Variants in MAML2 observed in about 807,000 individuals in gnomAD.
MAML2 encodes mastermind like transcriptional coactivator 2, also known as mastermind-like protein 2.
A neutral mutation model predicts 96.1 loss-of-function variants in MAML2; 22 were observed. The observed-to-expected ratio is 0.23, with a 90% CI of 0.16 to 0.33. The LOEUF (loss-of-function observed/expected upper bound fraction) is 0.33, where lower values mean the gene tolerates loss of function less well. Ranked by LOEUF, MAML2 falls within the 10% of genes least tolerant of loss-of-function variation. MAML2 has a pLI of 1.00. For missense variants in MAML2, 1,367 were observed against 1,392.4 expected, an observed-to-expected ratio of 0.98 and a Z score of 0.29; for synonymous variants, 561 against 521.3, an observed-to-expected ratio of 1.08 and a Z score of -1.04.
intron 1 of MAML2, among the ~76,000 whole-genome samples, chr11:96,265,242 G>A (rs936968306): frequency 2.0e-5 from 3 of 152,196 alleles, no homozygotes; most frequent in Non-Finnish European, 2.9e-5. Flanking sequence ...GCTTTAGCGC[G>A]GGGAGGACGA....
chr11:96,102,052 G>A (rs1169481943), intron 1 of MAML2, among the ~76,000 whole-genome samples: 3 of 152,128 alleles, frequency 2.0e-5, no homozygotes, highest in Non-Finnish European at 4.4e-5. Context: ...TGAGGCAGAC[G>A]GATCACCAGG....
At chr11:96,082,783 C>T (rs761227080) in intron 2 of MAML2, among the ~76,000 whole-genome samples, 1 of 152,142 alleles carries the variant, frequency 6.6e-6, no homozygotes, top group Admixed American at 6.5e-5. Flanking sequence ...AGGAGAATTA[C>T]AGTATCAAAG....
chr11:96,043,085 G>A (rs1450955416), intron 2 of MAML2, among the ~76,000 whole-genome samples: 2 of 152,072 alleles, frequency 1.3e-5, no homozygotes, highest in African/African-American at 4.8e-5. Context: ...CTTTAATTTA[G>A]TACTGGGTTC....
chr11:96,239,729 T>G (rs1235570647), intron 1 of MAML2, among the ~76,000 whole-genome samples: 1 of 152,210 alleles, frequency 6.6e-6, no homozygotes, highest in Admixed American at 6.5e-5. Flanking sequence ...ATAGCACCCA[T>G]GTCATAGAGC....
chr11:96,017,003 T>C (rs1011451819), intron 2 of MAML2, among the ~76,000 whole-genome samples: 1 of 152,230 alleles, frequency 6.6e-6, no homozygotes, highest in Non-Finnish European at 1.5e-5. Context: ...AGTGTAGTAA[T>C]TTTAAAGGCA....
At chr11:96,008,102 G>A (rs1176493641) in intron 2 of MAML2, among the ~76,000 whole-genome samples, 4 of 152,112 alleles carry the variant, frequency 2.6e-5, no homozygotes, top group Middle Eastern at 3.4e-3. Flanking sequence ...TTACCTGGGA[G>A]TACTTATTAA....
intron 2 of MAML2, among the ~76,000 whole-genome samples, chr11:95,994,278 C>T (rs1405822044): frequency 6.6e-6 from 1 of 152,164 alleles, no homozygotes; most frequent in Non-Finnish European, 1.5e-5. Flanking sequence ...CTCTGAGGTA[C>T]ATCCTTTGAG....
intron 1 of MAML2, among the ~76,000 whole-genome samples, chr11:96,178,581 G>C (rs1017436615): frequency 2.0e-5 from 3 of 152,130 alleles, no homozygotes; most frequent in Non-Finnish European, 4.4e-5. Context: ...GGGGAAAAGG[G>C]AGCTGTACAA....
chr11:96,341,428 C>G lies in MAML2; in HGVS notation c.468G>C (p.Pro156=). ...TCTGGTCCCCTGGGGTTGAAGCGGG[C>G]GGCTGCTGCTCTCCGTTTATCCCAC... The part of the protein sequence containing the change: ...GSGGINGEQQ[P]PASTPGDQRN... Residue 156 remains proline (P), a synonymous_variant, in exon 1 of 5, where the codon CCG becomes CCC. Transcript: ENST00000524717. The G allele has an allele frequency of 6.5e-7, 1 of 1,547,204 alleles. No individual in the cohort carries two copies. The highest frequency in any genetic ancestry group is 8.7e-7 in the Non-Finnish European group (1 of 1,144,360).
chr11:96,256,846 C>T (rs1862675730), intron 1 of MAML2, among the ~76,000 whole-genome samples: 1 of 152,138 alleles, frequency 6.6e-6, no homozygotes, highest in South Asian at 2.1e-4. Context: ...CTATCAAATG[C>T]CATAAATATC....
intron 3 of MAML2, among the ~76,000 whole-genome samples, chr11:95,989,027 T>C (rs1040377597): frequency 2.0e-5 from 3 of 152,250 alleles, no homozygotes; most frequent in African/African-American, 7.2e-5. Context: ...AAATCCAGCT[T>C]GGTGCCTGGC....
At chr11:96,107,128 A>G (rs1337251051) in intron 1 of MAML2, among the ~76,000 whole-genome samples, 3 of 151,822 alleles carry the variant, frequency 2.0e-5, no homozygotes, top group Non-Finnish European at 4.4e-5. Context: ...TGTGTATTTC[A>G]TGTTTTTGGC....
intron 2 of MAML2, among the ~76,000 whole-genome samples, chr11:96,059,717 G>A (rs766266007): frequency 3.3e-5 from 5 of 152,024 alleles, no homozygotes; most frequent in Admixed American, 1.3e-4. Context: ...ACATCATGTC[G>A]GCACTCAAAA....
chr11:96,119,528 A>G (rs1315987082), intron 1 of MAML2, among the ~76,000 whole-genome samples: 5 of 152,226 alleles, frequency 3.3e-5, no homozygotes, highest in Non-Finnish European at 7.3e-5. Flanking sequence ...CTTGAAGTGT[A>G]ATGTGATGTA....
At chr11:96,057,252 G>A (rs1859084454) in intron 2 of MAML2, among the ~76,000 whole-genome samples, 1 of 152,130 alleles carries the variant, frequency 6.6e-6, no homozygotes, top group East Asian at 1.9e-4. Context: ...TCTTTGAAGT[G>A]AGCTCTCTAG....
At chr11:95,988,013 T>TC (rs953612458) in intron 3 of MAML2, among the ~76,000 whole-genome samples, 19 of 78 alleles carry the variant, frequency 0.24, no homozygotes, top group Admixed American at 0.5. Context: ...AGTTTTGATT[T>TC]TATGCCAGCA....
At chr11:96,147,278 A>G (rs1367842726) in intron 1 of MAML2, among the ~76,000 whole-genome samples, 9 of 152,218 alleles carry the variant, frequency 5.9e-5, no homozygotes, top group Non-Finnish European at 8.8e-5. Context: ...TTTAACTTAT[A>G]TATTTACATG....
At chr11:96,017,713 C>G (rs1014556642) in intron 2 of MAML2, among the ~76,000 whole-genome samples, 4 of 151,890 alleles carry the variant, frequency 2.6e-5, no homozygotes, top group African/African-American at 7.3e-5. Context: ...GCCTTGTGCA[C>G]AGTGGAGGGA....
At chr11:96,002,866 A>AG (rs1368510147) in intron 2 of MAML2, among the ~76,000 whole-genome samples, 7 of 63,388 alleles carry the variant, frequency 1.1e-4, no homozygotes, top group African/African-American at 2.5e-4. Context: ...GGGATGATGA[A>AG]ATGATGATGG....
Sources: gnomAD v4.1 joint callset for allele counts (sites outside exome capture counted in the v4.1 genomes callset) on GRCh38, gnomAD v4.1.1 for gene constraint, MANE v1.5 for transcripts, NCBI Gene and HGNC (gene_info 2026-07-23, HGNC 2026-07-21) for gene names.